Variants in CYFIP1 observed in about 807,000 individuals in gnomAD.
The protein encoded by CYFIP1 is cytoplasmic FMR1-interacting protein 1.
In CYFIP1, 58 loss-of-function variants were observed where a neutral mutation model predicts 163.5. That is an observed-to-expected ratio of 0.35 (90% CI 0.29 to 0.44). The LOEUF is 0.44. Among genes scored for constraint, CYFIP1 ranks in the 20% least tolerant of loss-of-function variants. The pLI is 1.00. For missense variants in CYFIP1, 1,338 were observed against 1,653.8 expected (o/e 0.81, Z 3.31); for synonymous variants, 663 against 660.7 (o/e 1.00, Z -0.05).
intron 24 of CYFIP1, among the ~76,000 whole-genome samples, chr15:22,882,586 C>G (rs1042277422): frequency 6.6e-6 from 1 of 152,226 alleles, no homozygotes; most frequent in African/African-American, 2.4e-5. Flanking sequence ...GGGCAGATCT[C>G]TGGAGCCCAG....
In CYFIP1 at chr15:22,867,257, CA is replaced by C. The variant is rs1280523257; in HGVS notation, c.*2770del. On this transcript the variant is annotated 3_prime_UTR_variant, in exon 31 of 31. Coordinates refer to ENST00000617928, the MANE Select transcript of CYFIP1 (RefSeq NM_014608.6). ...TTATTTTAAAAAAACAGAGTTATCC[CA>C]ATACATTATCCTGTGATTTACCTTA... 3 of 402,234 alleles carry C rather than the reference CA, an allele frequency of 7.5e-6. No individual in the cohort carries two copies. Among genetic ancestry groups the C allele is most frequent in the African/African-American group, 6.2e-5 (3 of 48,572 alleles). The allele number at this position is 402,234 out of a possible 1,614,324, so 24.9% of individuals were successfully genotyped here.
At chr15:22,918,140 C>A (rs1427222844) in intron 14 of CYFIP1, among the ~76,000 whole-genome samples, 1 of 152,160 alleles carries the variant, frequency 6.6e-6, no homozygotes, top group Non-Finnish European at 1.5e-5. Flanking sequence ...AGTATTACTA[C>A]CCCCAGAAGA....
intron 23 of CYFIP1, among the ~76,000 whole-genome samples, chr15:22,884,621 C>T (rs1441631698): frequency 6.6e-6 from 1 of 152,090 alleles, no homozygotes; most frequent in Non-Finnish European, 1.5e-5. Context: ...GTACACAGTA[C>T]AAGCTGACTG....
chr15:22,902,735 G>A (rs546529141), intron 22 of CYFIP1, among the ~76,000 whole-genome samples: 1 of 152,282 alleles, frequency 6.6e-6, no homozygotes, highest in South Asian at 2.1e-4. Flanking sequence ...AGAGCGCGTG[G>A]CCATGACCCT....
chr15:22,917,012 G>C lies in CYFIP1; in HGVS notation c.1675-382C>G. 1 of 1,549,006 alleles carries C rather than the reference G, an allele frequency of 6.5e-7. No individual in the cohort carries two copies. Among genetic ancestry groups the C allele is most frequent in the Non-Finnish European group, 8.7e-7 (1 of 1,145,846 alleles). On this transcript the variant is annotated intron_variant, in intron 15 of 30. Transcript: ENST00000617928. This position sits in a 1 kb window ranked among gnomAD's most constrained non-coding sequence, Gnocchi z 4.2. ...CGGCAGAGCCCAAGGACTCGGCCATGGTGCGCACCAGGTAGAGCTAGACAC... is the reference window on the plus strand; with the variant it reads ...CGGCAGAGCCCAAGGACTCGGCCATCGTGCGCACCAGGTAGAGCTAGACAC...
intron 22 of CYFIP1, among the ~76,000 whole-genome samples, chr15:22,901,167 C>T (rs915037296): frequency 8.6e-5 from 13 of 151,588 alleles, no homozygotes; most frequent in African/African-American, 3.1e-4. Context: ...CACACCACTG[C>T]ACTCCAGCCT....
At chr15:22,912,069 G>A (rs2060803476) in intron 18 of CYFIP1, 110 bp downstream of exon 18, 8 of 1,012,354 alleles carry the variant, frequency 7.9e-6, no homozygotes, top group South Asian at 1.6e-5. Flanking sequence ...TTGCTTCGTG[G>A]TTTATACTGT....
In CYFIP1 at chr15:22,929,711, G is replaced by A. The variant is rs187909411; in HGVS notation, c.1111-1683C>T. On this transcript the variant is annotated intron_variant, in intron 11 of 30. Coordinates refer to ENST00000617928, the MANE Select transcript of CYFIP1 (RefSeq NM_014608.6). The stretch of plus-strand genomic sequence containing the variant: ...AGCACTTTGGGAGGCCGAGACGGGC[G>A]GATCACGAGGTCAGGAGATCAAGAC... 7.8e-3 allele frequency among the ~76,000 whole-genome samples: 1,172 copies of A among 149,886 alleles called. 39 individuals carry two copies. The East Asian group carries it at 0.11, about 15-fold the overall frequency.
chr15:22,879,794 G>T (rs919274676), intron 26 of CYFIP1, 119 bp downstream of exon 26: 43 of 664,658 alleles, frequency 6.5e-5, no homozygotes, highest in African/African-American at 6.3e-4. Context: ...AAAAAAAAAT[G>T]ATGCACAGCT....
rs754244405 is a variant in CYFIP1 at position 22,925,954 on chromosome 15, G to A, written c.1359+28C>T. On this transcript the variant is annotated intron_variant, in intron 13 of 30. Transcript: ENST00000617928. ...ATGGTGTGAAGCTAGAGCGACATGAGGAAGAGCGAGCGGCCGAGCATCCTC... is the reference window on the plus strand; with the variant it reads ...ATGGTGTGAAGCTAGAGCGACATGAAGAAGAGCGAGCGGCCGAGCATCCTC... 5.0e-6 allele frequency: 8 copies of A among 1,608,948 alleles called. No individual in the cohort carries two copies. In the East Asian group the frequency reaches 1.3e-4, roughly 27 times the overall value.
Position 22,943,158 on chromosome 15 carries a change from G to A in CYFIP1, c.569+15C>T, listed in dbSNP as rs776108487. 33 of 1,612,466 alleles carry A rather than the reference G, an allele frequency of 2.0e-5. No homozygotes were observed. Among genetic ancestry groups the A allele is most frequent in the Non-Finnish European group, 2.4e-5 (28 of 1,179,002 alleles). On this transcript the variant is annotated intron_variant, in intron 6 of 30. Coordinates refer to ENST00000617928, the MANE Select transcript of CYFIP1 (RefSeq NM_014608.6). Reference sequence around the variant, plus strand: ...GCTCTCGGGAGGGCCCGCAGTGCGCGAGGTGGGTGCTCACCTCTTGTACGC... The same window carrying A: ...GCTCTCGGGAGGGCCCGCAGTGCGCAAGGTGGGTGCTCACCTCTTGTACGC...
intron 1 of CYFIP1, among the ~76,000 whole-genome samples, chr15:22,956,976 GGTGT>G (rs2062483056): frequency 6.6e-6 from 1 of 152,232 alleles, no homozygotes; most frequent in East Asian, 1.9e-4. Context: ...CATCTCTTTA[GGTGT>G]TAAAATAGAA....
intron 1 of CYFIP1, among the ~76,000 whole-genome samples, chr15:22,971,076 G>A (rs1432565829): frequency 6.6e-6 from 1 of 151,274 alleles, no homozygotes. Flanking sequence ...GATCTGTCTC[G>A]AAAAAAAACC....
chr15:22,914,939 C>T (rs1426789740), intron 16 of CYFIP1, 57 bp from the exon 17 acceptor site: 2 of 1,541,752 alleles, frequency 1.3e-6, no homozygotes, highest in East Asian at 2.3e-5. Context: ...AAACCTTTAG[C>T]AGAGATGACA....
chr15:22,942,792 C>A (rs1032783505), intron 6 of CYFIP1, among the ~76,000 whole-genome samples: 1 of 152,220 alleles, frequency 6.6e-6, no homozygotes, highest in Non-Finnish European at 1.5e-5. Flanking sequence ...GCAGCCCCAA[C>A]GCCCAAGGTA....
chr15:22,969,807 C>T (rs187848565), intron 1 of CYFIP1, among the ~76,000 whole-genome samples: 28 of 152,088 alleles, frequency 1.8e-4, no homozygotes, highest in Admixed American at 1.3e-3. Context: ...ACTAAAAGAA[C>T]GCAAAAGGAC....
Position 22,944,892 on chromosome 15 carries a change from G to A in CYFIP1, c.255C>T (p.Thr85=), listed in dbSNP as rs531828464. The A allele has an allele frequency of 6.2e-7, 1 of 1,614,114 alleles. No individual in the cohort carries two copies. Among genetic ancestry groups the A allele is most frequent in the African/African-American group, 1.3e-5 (1 of 75,014 alleles). ...GGATGGCCCGGGAGCAGCTCCTCCA[G>A]GTGTACAGCATGACAGCATATTCTT... ...EGQEYAVMLY[T]WRSCSRAIPQ... Residue 85 remains threonine, a synonymous_variant, in exon 4 of 31, where the codon ACC becomes ACT. Transcript: ENST00000617928.
intron 23 of CYFIP1, 62 bp from the exon 24 acceptor site, chr15:22,883,073 G>A: frequency 6.4e-7 from 1 of 1,570,002 alleles, no homozygotes; most frequent in Non-Finnish European, 8.7e-7. Flanking sequence ...ATGAAGAACT[G>A]TGTGAGAAGA....
chr15:22,946,241 C>T (rs928203688), intron 3 of CYFIP1, among the ~76,000 whole-genome samples: 2 of 151,034 alleles, frequency 1.3e-5, no homozygotes, highest in Non-Finnish European at 3.0e-5. Flanking sequence ...GAGGTTGAGG[C>T]TGCAGTGAGC....
Sources: gnomAD v4.1 joint callset for allele counts (sites outside exome capture counted in the v4.1 genomes callset) on GRCh38, gnomAD v4.1.1 for gene constraint, Gnocchi (gnomAD v3.1) non-coding constraint, MANE v1.5 for transcripts, NCBI Gene and HGNC (gene_info 2026-07-23, HGNC 2026-07-21) for gene names.